The following KCTD1 variants were observed in gnomAD, a reference collection of about 807,000 sequenced individuals.
KCTD1 encodes the protein potassium channel tetramerization domain containing 1.
KCTD1 carries 24 observed loss-of-function variants against 66.0 expected under a neutral mutation model. The observed-to-expected ratio is 0.36, with a 90% CI of 0.26 to 0.51. The LOEUF (loss-of-function observed/expected upper bound fraction) is 0.51, where lower values mean the gene tolerates loss of function less well. Among genes scored for constraint, KCTD1 ranks in the 20% least tolerant of loss-of-function variants. KCTD1 has a pLI of 0.95. For missense variants in KCTD1, 943 were observed against 1,205.2 expected, an observed-to-expected ratio of 0.78 and a Z score of 3.22; for synonymous variants, 511 against 517.2, an observed-to-expected ratio of 0.99 and a Z score of 0.16.
intron 1 of KCTD1, among the ~76,000 whole-genome samples, chr18:26,639,837 C>T (rs1456348595): frequency 6.6e-6 from 1 of 152,136 alleles, no homozygotes; most frequent in Admixed American, 6.5e-5. Context: ...TAATCGGGCT[C>T]CAGCACCTGT....
rs185266774 is a variant in KCTD1 at position 26,499,830 on chromosome 18, T to C, written c.1988+1242A>G. ...ATCAGAAACAGAGAAATGCCCTGTT[T>C]CCCGACATTACCCTACATGAATGCA... On this transcript the variant is annotated intron_variant, in intron 2 of 4. Coordinates refer to ENST00000580059, the MANE Select transcript of KCTD1 (RefSeq NM_001142730.3). Among the ~76,000 whole-genome samples the C allele has an allele frequency of 2.5e-3, 384 of 152,282 alleles. 2 individuals are homozygous for C. The highest frequency in any genetic ancestry group is 8.6e-3 in the African/African-American group (359 of 41,556).
chr18:26,626,068 A>G (rs1987492009), intron 1 of KCTD1, among the ~76,000 whole-genome samples: 1 of 152,000 alleles, frequency 6.6e-6, no homozygotes, highest in Non-Finnish European at 1.5e-5. Flanking sequence ...TTTAGGCTGT[A>G]GCTAACACCG....
Position 26,547,000 on chromosome 18 carries a change from T to C in KCTD1, c.1537A>G (p.Thr513Ala). ...HRPQPPSLGN[T>A]YILPKDSQVG... ...TGGCTGTCTTTGGGGAGGATGTAAG[T>C]GTTCCCCAGCGAGGGCGGCTGGGGG... Residue 513 changes from threonine (T) to alanine (A), a missense_variant, in exon 1 of 5, where the codon ACT (threonine) becomes GCT (alanine). Thr to Ala is a moderately conservative substitution (Grantham distance 58). Around this residue, in one of 10 missense-constraint regions of KCTD1, gnomAD observed 197 missense variants for 182.7 expected, o/e 1.08. Transcript: ENST00000580059. The C allele has an allele frequency of 2.3e-6, 3 of 1,322,920 alleles. No homozygotes were observed. The highest frequency in any genetic ancestry group is 1.4e-5 in the South Asian group (1 of 71,784). The allele number at this position is 1,322,920 out of a possible 1,614,324, so 81.9% of individuals were successfully genotyped here.
At chr18:26,470,452 C>G (rs1334254930) in intron 3 of KCTD1, among the ~76,000 whole-genome samples, 5 of 152,168 alleles carry the variant, frequency 3.3e-5, no homozygotes, top group African/African-American at 7.2e-5. Context: ...AATGGTGATG[C>G]CTGGTGCCGT....
At chr18:26,483,456 T>C (rs1432719550) in intron 2 of KCTD1, among the ~76,000 whole-genome samples, 2 of 151,798 alleles carry the variant, frequency 1.3e-5, no homozygotes, top group African/African-American at 4.8e-5. Context: ...TTTGGTAGAG[T>C]TGGGGTTTCA....
At chr18:26,497,800 A>T (rs891625424) in intron 2 of KCTD1, among the ~76,000 whole-genome samples, 19 of 152,170 alleles carry the variant, frequency 1.2e-4, no homozygotes, top group Non-Finnish European at 2.9e-5. Flanking sequence ...ATTCTTAAAG[A>T]TATCTCCTAA....
At chr18:26,536,279 G>C (rs966538036) in intron 1 of KCTD1, among the ~76,000 whole-genome samples, 2 of 152,142 alleles carry the variant, frequency 1.3e-5, no homozygotes, top group African/African-American at 4.8e-5. Flanking sequence ...TTGTACATAT[G>C]CTCAATCTTA....
chr18:26,573,062 C>T (rs1437804129), intron 1 of KCTD1, among the ~76,000 whole-genome samples: 1 of 151,162 alleles, frequency 6.6e-6, no homozygotes, highest in Non-Finnish European at 1.5e-5. Flanking sequence ...CGCTCTGTCA[C>T]CTAGGCTGGA....
rs146245776 is a variant in KCTD1 at position 26,614,730 on chromosome 18, C to T, written c.-16+14417G>A. ...GGTAGTATTTTTAAACCACCTCTAGCGAATCAGTCTCCTATCCAGGAAACT... is the reference window on the plus strand; with the variant it reads ...GGTAGTATTTTTAAACCACCTCTAGTGAATCAGTCTCCTATCCAGGAAACT... On this transcript the variant is annotated intron_variant, in intron 1 of 4. Transcript: ENST00000317932. Among the ~76,000 whole-genome samples, 66 of 152,288 alleles carry T rather than the reference C, an allele frequency of 4.3e-4. 1 individual carries two copies. The highest frequency in any genetic ancestry group is 1.2e-3 in the African/African-American group (51 of 41,560).
intron 3 of KCTD1, among the ~76,000 whole-genome samples, chr18:26,467,337 A>T (rs1980793773): frequency 6.6e-6 from 1 of 152,050 alleles, no homozygotes; most frequent in East Asian, 1.9e-4. Flanking sequence ...GTGGCGGCTC[A>T]GTGAGACCGT....
At chr18:26,513,090 A>AT (rs571957643) in intron 1 of KCTD1, among the ~76,000 whole-genome samples, 27,402 of 140,132 alleles carry the variant, frequency 0.2, 3,039 homozygotes, top group African/African-American at 0.29. Flanking sequence ...TCCAGGGTGT[A>AT]TTTTTTTTTT....
At chr18:26,649,280 CA>C (rs534550147) in intron 1 of KCTD1, among the ~76,000 whole-genome samples, 297 of 152,310 alleles carry the variant, frequency 1.9e-3, no homozygotes, top group African/African-American at 6.7e-3. Context: ...AGGTTAACAG[CA>C]CTTTCTTCTG....
chr18:26,646,607 G>GA (rs989686735), intron 1 of KCTD1, among the ~76,000 whole-genome samples: 3 of 151,700 alleles, frequency 2.0e-5, no homozygotes, highest in Admixed American at 6.6e-5. Flanking sequence ...ACTGTACAAT[G>GA]AAAAAAAAGT....
At chr18:26,620,984 C>A (rs570512702) in intron 1 of KCTD1, among the ~76,000 whole-genome samples, 139 of 152,142 alleles carry the variant, frequency 9.1e-4, no homozygotes, top group South Asian at 2.9e-3. Flanking sequence ...AGGCGCCCGC[C>A]ACCACGCCCG....
intron 1 of KCTD1, among the ~76,000 whole-genome samples, chr18:26,638,412 T>C (rs561568699): frequency 6.6e-6 from 1 of 152,244 alleles, no homozygotes; most frequent in African/African-American, 2.4e-5. Flanking sequence ...AATTCATTTT[T>C]TAACCTCAGC....
At chr18:26,504,925 A>G (rs115395931) in intron 1 of KCTD1, among the ~76,000 whole-genome samples, 3,321 of 152,306 alleles carry the variant, frequency 0.022, 115 homozygotes, top group African/African-American at 0.075. Flanking sequence ...CTCCCTGCCA[A>G]TTTAAGGATG....
chr18:26,593,240 G>T (rs1986651266), intron 1 of KCTD1, among the ~76,000 whole-genome samples: 1 of 152,094 alleles, frequency 6.6e-6, no homozygotes, highest in Non-Finnish European at 1.5e-5. Flanking sequence ...GCACATTTCT[G>T]TTTCTGAAGC....
chr18:26,633,781 G>A (rs576932623), upstream of KCTD1, among the ~76,000 whole-genome samples: 25 of 152,274 alleles, frequency 1.6e-4, no homozygotes, highest in African/African-American at 5.8e-4. Flanking sequence ...TTAGGGAAAT[G>A]CAAATTAAAG....
Position 26,476,655 on chromosome 18 carries a change from C to T in KCTD1, c.1993G>A (p.Gly665Arg), listed in dbSNP as rs1014102908. Residue 665 changes from glycine (G) to arginine (R), a missense_variant, in exon 3 of 5, where the codon GGA becomes AGA. By Grantham distance (125) the Gly-to-Arg change is moderately radical (BLOSUM62 -2). Around this residue, in one of 10 missense-constraint regions of KCTD1, gnomAD observed 41 missense variants for 103.8 expected, o/e 0.39. Transcript: ENST00000580059. This position sits in a 1 kb window ranked among gnomAD's most constrained non-coding sequence, Gnocchi z 4.9. ...TLTKYPESRI[G>R]RLFDGTEPIV... ...GGCTCTGTACCATCAAAAAGTCTTCCGATTCTGTGATAGAAAAGAGGGAAC... is the reference window on the plus strand; with the variant it reads ...GGCTCTGTACCATCAAAAAGTCTTCTGATTCTGTGATAGAAAAGAGGGAAC... 1.2e-6 allele frequency: 2 copies of T among 1,610,506 alleles called. No individual in the cohort carries two copies. Among genetic ancestry groups the T allele is most frequent in the Non-Finnish European group, 1.7e-6 (2 of 1,178,962 alleles).
Sources: allele counts gnomAD v4.1 joint callset (sites outside exome capture counted in the v4.1 genomes callset), GRCh38; gene constraint gnomAD v4.1.1; regional missense constraint gnomAD v4.1.1; non-coding constraint Gnocchi (gnomAD v3.1); transcripts MANE v1.5; gene names NCBI Gene and HGNC (gene_info 2026-07-23, HGNC 2026-07-21).